GRN: variants seen among roughly 807,000 people sequenced by gnomAD.
GRN encodes granulin precursor.
In GRN, 30 loss-of-function variants were observed where a neutral mutation model predicts 66.7. The observed-to-expected ratio is 0.45, with a 90% CI of 0.34 to 0.61. GRN has a LOEUF of 0.61. GRN is among the 20% of genes least tolerant of loss of function. GRN has a pLI of 0.01. For synonymous variants in GRN, 327 were observed against 311.1 expected, an observed-to-expected ratio of 1.05 and a Z score of -0.54; for missense variants, 731 against 803.5, an observed-to-expected ratio of 0.91 and a Z score of 1.09.
rs139375860 is a variant in GRN at position 44,350,726 on chromosome 17, C to T, written c.634C>T (p.Arg212Trp). The change falls in exon 7 of 13, where the codon CGG becomes TGG. Residue 212 changes from arginine (R) to tryptophan (W), a missense_variant. By Grantham distance (101) the Arg-to-Trp change is moderately radical. Coordinates refer to ENST00000053867, the MANE Select transcript of GRN (RefSeq NM_002087.4). ...LSSSVMCPDARSRCPDGSTCC... is the reference protein window; with the variant it reads ...LSSSVMCPDAWSRCPDGSTCC... ...CAGCTCGGTCATGTGTCCGGACGCACGGTCCCGGTGCCCTGATGGTTCTAC... is the reference window on the plus strand; with the variant it reads ...CAGCTCGGTCATGTGTCCGGACGCATGGTCCCGGTGCCCTGATGGTTCTAC... 163 of 1,613,994 alleles carry T rather than the reference C, an allele frequency of 1.0e-4. No individual in the cohort carries two copies. The highest frequency in any genetic ancestry group is 1.3e-4 in the Non-Finnish European group (156 of 1,179,892).
chr17:44,352,288 G>C, intron 11 of GRN, 40 bp downstream of exon 11: 1 of 1,602,598 alleles, frequency 6.2e-7, no homozygotes, highest in Non-Finnish European at 8.5e-7. Flanking sequence ...GGGGAGCTAA[G>C]CCCAGTGAGG....
Position 44,352,377 on chromosome 17 carries a change from G to A in GRN, c.1450G>A (p.Ala484Thr), listed in dbSNP as rs1246786576. 2 of 1,613,728 alleles carry A rather than the reference G, an allele frequency of 1.2e-6. No homozygotes were observed. Among genetic ancestry groups the A allele is most frequent in the African/African-American group, 1.3e-5 (1 of 75,064 alleles). Reference sequence around the variant, plus strand: ...CGAGGATCGCCAGCACTGCTGCCCGGCTGGCTACACCTGCAACGTGAAGGC... The same window carrying A: ...CGAGGATCGCCAGCACTGCTGCCCGACTGGCTACACCTGCAACGTGAAGGC... ...CCEDRQHCCP[A>T]GYTCNVKARS... The change falls in exon 12 of 13, where the codon GCT becomes ACT. Residue 484 changes from alanine (A) to threonine (T), a missense_variant. Physicochemically the swap from Ala to Thr is moderately conservative, Grantham distance 58. Coordinates refer to ENST00000053867, the MANE Select transcript of GRN (RefSeq NM_002087.4).
chr17:44,349,446 G>A lies in GRN; in HGVS notation c.159G>A (p.Leu53=). ...RPLLDKWPTT[L]SRHLGGPCQV... ...TCTAGGACAAATGGCCCACAACACT[G>A]AGCAGGCATCTGGGTGGCCCCTGCC... The change falls in exon 3 of 13, where the codon CTG becomes CTA. Residue 53 remains leucine (L), a synonymous_variant. Transcript: ENST00000053867. The A allele has an allele frequency of 6.2e-7, 1 of 1,614,216 alleles. No individual in the cohort carries two copies. The highest frequency in any genetic ancestry group is 8.5e-7 in the Non-Finnish European group (1 of 1,180,040).
chr17:44,352,690 C>T lies in GRN; in HGVS notation c.1674C>T (p.Cys558=). The change falls in exon 13 of 13, where the codon TGC becomes TGT. Residue 558 remains cysteine, a synonymous_variant. Transcript: ENST00000053867. The stretch of plus-strand genomic sequence containing the variant: ...TCTGTTGTGCTGATCGGCGCCACTG[C>T]TGTCCTGCTGGCTTCCGCTGCGCAG... ...QGVCCADRRH[C]CPAGFRCAAR... The T allele has an allele frequency of 1.2e-6, 2 of 1,610,358 alleles. No homozygotes were observed. The highest frequency in any genetic ancestry group is 1.7e-5 in the Admixed American group (1 of 60,032).
chr17:44,351,352 TTCCC>T lies in GRN; in HGVS notation c.836-8_836-5del. ...GCCACTTCTGACCTGTCCTCTCTGC[TTCCC>T]TCACAGTGGGGGATGTGAAATGTGA... On this transcript the variant is annotated splice_polypyrimidine_tract_variant and splice_region_variant and intron_variant, in intron 8 of 12. Coordinates refer to ENST00000053867, the MANE Select transcript of GRN (RefSeq NM_002087.4). The T allele has an allele frequency of 6.2e-7, 1 of 1,603,696 alleles. No individual in the cohort carries two copies. The highest frequency in any genetic ancestry group is 1.1e-5 in the South Asian group (1 of 90,926).
At position 44,351,541 on chromosome 17, in the gene GRN, C is replaced by T. The variant is rs936845840; in HGVS notation, c.934-9C>T. ...CCAGTGCCCACCTGCCCTTCTTCAT[C>T]TGCCCTAGGCTGTGTGCTGTGAGGA... On this transcript the variant is annotated splice_polypyrimidine_tract_variant and intron_variant, in intron 9 of 12. Coordinates refer to ENST00000053867, the MANE Select transcript of GRN (RefSeq NM_002087.4). The T allele has an allele frequency of 5.0e-6, 8 of 1,613,904 alleles. No individual in the cohort carries two copies. Among genetic ancestry groups the T allele is most frequent in the Non-Finnish European group, 6.8e-6 (8 of 1,179,992 alleles).
Position 44,351,163 on chromosome 17 carries a change from G to T in GRN, c.835G>T (p.Val279Leu). 1 of 1,614,178 alleles carries T rather than the reference G, an allele frequency of 6.2e-7. No individual in the cohort carries two copies. Among genetic ancestry groups the T allele is most frequent in the Non-Finnish European group, 8.5e-7 (1 of 1,180,008 alleles). ...DLLTKLPAHT[V>L]GDVKCDMEVS... ...CCTCACTAAGCTGCCTGCGCACACA[G>T]GTACCAGAGGCAGGGTGCAGATACA... The change falls in exon 8 of 13, where the codon GTG becomes TTG. Residue 279 changes from valine to leucine, a missense_variant and splice_region_variant. By Grantham distance (32) the Val-to-Leu change is conservative. Transcript: ENST00000053867.
Position 44,349,538 on chromosome 17 carries a change from G to A in GRN, c.251G>A (p.Cys84Tyr), listed in dbSNP as rs1277072406. ...IFTVSGTSSC[C>Y]PFPEAVACGD... is the part of the protein sequence containing the mutation. ...ACCGTCTCAGGGACTTCCAGTTGCT[G>A]CCCCTTCCCAGAGGTGAGCGTGCCA... is the stretch of plus-strand genomic sequence containing the variant. Residue 84 changes from cysteine to tyrosine, a missense_variant, in exon 3 of 13, where the codon TGC becomes TAC. Coordinates refer to ENST00000053867, the MANE Select transcript of GRN (RefSeq NM_002087.4). 3.7e-6 allele frequency: 6 copies of A among 1,614,174 alleles called. No individual in the cohort carries two copies. The highest frequency in any genetic ancestry group is 5.1e-6 in the Non-Finnish European group (6 of 1,180,046).
chr17:44,352,882 A>C lies in GRN; in HGVS notation c.*84A>C. 2 of 1,319,834 alleles carry C rather than the reference A, an allele frequency of 1.5e-6. No homozygotes were observed. Among genetic ancestry groups the C allele is most frequent in the African/African-American group, 1.4e-5 (1 of 69,302 alleles). 81.8% of individuals were successfully genotyped at this position (1,319,834 alleles called of 1,614,324 possible). A position where few individuals can be genotyped will look rare whatever the true frequency, so the allele number is the denominator to read the frequency against. On this transcript the variant is annotated 3_prime_UTR_variant, in exon 13 of 13. Coordinates refer to ENST00000053867, the MANE Select transcript of GRN (RefSeq NM_002087.4). ...CAGGCCTCCCTAGCACCTCCCCCTAACCAAATTCTCCCTGGACCCCATTCT... is the reference window on the plus strand; with the variant it reads ...CAGGCCTCCCTAGCACCTCCCCCTACCCAAATTCTCCCTGGACCCCATTCT...
rs761504698 is a variant in GRN at position 44,351,651 on chromosome 17, G to A, written c.1035G>A (p.Met345Ile). The A allele has an allele frequency of 6.2e-7, 1 of 1,614,092 alleles. No homozygotes were observed. The highest frequency in any genetic ancestry group is 8.5e-7 in the Non-Finnish European group (1 of 1,179,970). ...CEQGPHQVPWMEKAPAHLSLP... is the reference protein window; with the variant it reads ...CEQGPHQVPWIEKAPAHLSLP... ...AGGGGCCCCACCAGGTGCCCTGGAT[G>A]GAGAAGGCCCCAGCTCACCTCAGCC... The change falls in exon 10 of 13, where the codon ATG becomes ATA. Residue 345 changes from methionine (M) to isoleucine (I), a missense_variant. Coordinates refer to ENST00000053867, the MANE Select transcript of GRN (RefSeq NM_002087.4).
In GRN at chr17:44,351,688, C is replaced by T. The variant is rs1555611293; in HGVS notation, c.1072C>T (p.Gln358Ter). ...APAHLSLPDP[Q>*]ALKRDVPCDN... ...AGCTCACCTCAGCCTGCCAGACCCACAAGCCTTGAAGAGAGATGTCCCCTG... is the reference window on the plus strand; with the variant it reads ...AGCTCACCTCAGCCTGCCAGACCCATAAGCCTTGAAGAGAGATGTCCCCTG... Residue 358 changes from glutamine to a stop codon, truncating the protein, a stop_gained, in exon 10 of 13, where the codon CAA becomes TAA. Transcript: ENST00000053867. LOFTEE classifies it high-confidence loss of function. 3 of 1,614,070 alleles carry T rather than the reference C, an allele frequency of 1.9e-6. No homozygotes were observed. Among genetic ancestry groups the T allele is most frequent in the Non-Finnish European group, 2.5e-6 (3 of 1,179,998 alleles).
Position 44,349,204 on chromosome 17 carries a change from C to T in GRN, c.40C>T (p.Leu14=). The change falls in exon 2 of 13, where the codon CTG becomes TTG. Residue 14 remains leucine (L), a synonymous_variant. Transcript: ENST00000053867. ...GAGCTGGGTGGCCTTAACAGCAGGG[C>T]TGGTGGCTGGAACGCGGTGCCCAGA... The part of the protein sequence containing the change: ...LVSWVALTAG[L]VAGTRCPDGQ... The T allele has an allele frequency of 6.2e-7, 1 of 1,614,078 alleles. No homozygotes were observed.
intron 8 of GRN, 98 bp downstream of exon 8, chr17:44,351,261 C>T: frequency 6.5e-7 from 1 of 1,536,548 alleles, no homozygotes; most frequent in Non-Finnish European, 9.0e-7. Context: ...GCGGTACCCT[C>T]CATCTTCAAC....
rs1339377538 is a variant in GRN at position 44,352,512 on chromosome 17, G to T, written c.1585G>T (p.Asp529Tyr). ...GTGTGGGGAAGGACACTTCTGCCAT[G>T]ATAACCAGACCTGCTGCCGAGACAA... ...VECGEGHFCHDNQTCCRDNRQ... is the reference protein window; with the variant it reads ...VECGEGHFCHYNQTCCRDNRQ... Residue 529 changes from aspartate (D) to tyrosine (Y), a missense_variant, in exon 12 of 13, where the codon GAT (aspartate) becomes TAT (tyrosine). Coordinates refer to ENST00000053867, the MANE Select transcript of GRN (RefSeq NM_002087.4). 6.2e-7 allele frequency: 1 copy of T among 1,613,906 alleles called. No homozygotes were observed. Among genetic ancestry groups the T allele is most frequent in the African/African-American group, 1.3e-5 (1 of 74,932 alleles).
At position 44,350,321 on chromosome 17, in the gene GRN, G is replaced by A. The variant is rs2143331962; in HGVS notation, c.443G>A (p.Gly148Glu). 2 of 1,613,718 alleles carry A rather than the reference G, an allele frequency of 1.2e-6. No individual in the cohort carries two copies. Among genetic ancestry groups the A allele is most frequent in the East Asian group, 4.5e-5 (2 of 44,874 alleles). Reference protein sequence around the residue: ...TCCVMVDGSWGCCPMPQASCC... With the variant: ...TCCVMVDGSWECCPMPQASCC... ...TGTGTTATGGTCGATGGCTCCTGGG[G>A]GTGCTGCCCCATGCCCCAGGTACAA... The change falls in exon 5 of 13, where the codon GGG becomes GAG. Residue 148 changes from glycine to glutamate, a missense_variant. Coordinates refer to ENST00000053867, the MANE Select transcript of GRN (RefSeq NM_002087.4).
chr17:44,352,256 C>A lies in GRN; in HGVS notation c.1413+8C>A. The A allele has an allele frequency of 1.2e-6, 2 of 1,606,840 alleles. No homozygotes were observed. The highest frequency in any genetic ancestry group is 8.5e-7 in the Non-Finnish European group (1 of 1,175,298). ...TGCTGCCAGTTGCCCCATGTGAGTG[C>A]CTCCCTGCCTGCCCCTGGATAGGGG... On this transcript the variant is annotated splice_region_variant and intron_variant, in intron 11 of 12. Coordinates refer to ENST00000053867, the MANE Select transcript of GRN (RefSeq NM_002087.4).
In GRN at chr17:44,352,878, C is replaced by T; in HGVS notation, c.*80C>T. 3 of 1,378,424 alleles carry T rather than the reference C, an allele frequency of 2.2e-6. No individual in the cohort carries two copies. Among genetic ancestry groups the T allele is most frequent in the Non-Finnish European group, 3.0e-6 (3 of 988,720 alleles). 85.4% of individuals were successfully genotyped at this position (1,378,424 alleles called of 1,614,324 possible). A position where few individuals can be genotyped will look rare whatever the true frequency, so the allele number is the denominator to read the frequency against. ...TGCTCAGGCCTCCCTAGCACCTCCC[C>T]CTAACCAAATTCTCCCTGGACCCCA... is the stretch of plus-strand genomic sequence containing the variant. On this transcript the variant is annotated 3_prime_UTR_variant, in exon 13 of 13. Transcript: ENST00000053867.
chr17:44,347,282 T>A (rs1003196411), intron 1 of GRN, among the ~76,000 whole-genome samples: 4 of 151,750 alleles, frequency 2.6e-5, no homozygotes, highest in Non-Finnish European at 5.9e-5. Context: ...TTTTCAGGGG[T>A]TTTTTTGTTT....
Position 44,349,734 on chromosome 17 carries a change from C to A in GRN, c.332C>A (p.Ser111Tyr), listed in dbSNP as rs1354832051. Reference sequence around the variant, plus strand: ...TTCCACTGCAGTGCAGACGGGCGATCCTGCTTCCAAAGATCAGGTGCAGCT... The same window carrying A: ...TTCCACTGCAGTGCAGACGGGCGATACTGCTTCCAAAGATCAGGTGCAGCT... The part of the protein sequence containing the change: ...RGFHCSADGR[S>Y]CFQRSGNNSV... The change falls in exon 4 of 13, where the codon TCC becomes TAC. Residue 111 changes from serine to tyrosine, a missense_variant. Physicochemically the swap from Ser to Tyr is moderately radical, Grantham distance 144 (BLOSUM62 -2). Around this residue, in one of 3 missense-constraint regions of GRN, gnomAD observed 370 missense variants for 379.8 expected, o/e 0.97. Coordinates refer to ENST00000053867, the MANE Select transcript of GRN (RefSeq NM_002087.4). 2 of 1,608,908 alleles carry A rather than the reference C, an allele frequency of 1.2e-6. No homozygotes were observed. Among genetic ancestry groups the A allele is most frequent in the Non-Finnish European group, 1.7e-6 (2 of 1,175,512 alleles).
Sources: allele counts gnomAD v4.1 joint callset (sites outside exome capture counted in the v4.1 genomes callset), GRCh38; gene constraint gnomAD v4.1.1; regional missense constraint gnomAD v4.1.1; transcripts MANE v1.5; gene names NCBI Gene and HGNC (gene_info 2026-07-23, HGNC 2026-07-21).